Variants in OSBPL1A observed in about 807,000 individuals in gnomAD.
OSBPL1A encodes the protein oxysterol binding protein like 1A, also known as oxysterol-binding protein-related protein 1.
Under a neutral mutation model 137.1 loss-of-function variants are expected in OSBPL1A, and 80 were observed. That is an observed-to-expected ratio of 0.58 (90% CI 0.49 to 0.70). The LOEUF (loss-of-function observed/expected upper bound fraction) is 0.70, where lower values mean the gene tolerates loss of function less well. Ranked by LOEUF, OSBPL1A falls within the 30% of genes least tolerant of loss-of-function variation. The pLI is 0.00. For missense variants in OSBPL1A, 970 were observed against 1,129.4 expected, an observed-to-expected ratio of 0.86 and a Z score of 2.02; for synonymous variants, 365 against 389.7, an observed-to-expected ratio of 0.94 and a Z score of 0.75.
chr18:24,328,103 G>A (rs920676802), intron 7 of OSBPL1A, among the ~76,000 whole-genome samples: 3 of 140,576 alleles, frequency 2.1e-5, no homozygotes, highest in South Asian at 2.2e-4. Context: ...GTGTAGTGGC[G>A]CAATCTTGGC....
intron 16 of OSBPL1A, among the ~76,000 whole-genome samples, chr18:24,233,082 T>C (rs2088332331): frequency 6.6e-6 from 1 of 152,184 alleles, no homozygotes; most frequent in Non-Finnish European, 1.5e-5. Context: ...GTAAGAAAAG[T>C]AATGCGTTCT....
chr18:24,218,935 T>G (rs1394957650), intron 17 of OSBPL1A, among the ~76,000 whole-genome samples: 1 of 152,114 alleles, frequency 6.6e-6, no homozygotes, highest in Non-Finnish European at 1.5e-5. Context: ...TATACAATTT[T>G]TGTTAGTTAA....
chr18:24,313,958 A>G (rs1406400426), intron 12 of OSBPL1A, among the ~76,000 whole-genome samples: 1 of 150,798 alleles, frequency 6.6e-6, no homozygotes, highest in African/African-American at 2.4e-5. Context: ...AAAAAAAATT[A>G]GCCAGGCGTA....
At chr18:24,343,698 G>A (rs1348263337) in intron 4 of OSBPL1A, among the ~76,000 whole-genome samples, 2 of 152,102 alleles carry the variant, frequency 1.3e-5, no homozygotes, top group Non-Finnish European at 2.9e-5. Flanking sequence ...TGACATAAGT[G>A]CCAAGACAGT....
intron 4 of OSBPL1A, among the ~76,000 whole-genome samples, chr18:24,355,839 G>A (rs12969835): frequency 0.15 from 22,138 of 151,924 alleles, 2,123 homozygotes; most frequent in Non-Finnish European, 0.21. Flanking sequence ...ACAAATCTTA[G>A]CCAGGCATGG....
intron 18 of OSBPL1A, among the ~76,000 whole-genome samples, chr18:24,194,382 GA>G (rs1347911143): frequency 2.0e-5 from 3 of 152,126 alleles, no homozygotes; most frequent in Non-Finnish European, 4.4e-5. Context: ...ATTCTTTTGT[GA>G]AACTGATTTT....
At chr18:24,374,991 G>C (rs1318915966) in intron 2 of OSBPL1A, among the ~76,000 whole-genome samples, 3 of 152,052 alleles carry the variant, frequency 2.0e-5, no homozygotes, top group Non-Finnish European at 4.4e-5. Flanking sequence ...CACAGGGGAA[G>C]GGAGATCAAG....
chr18:24,235,902 G>A (rs1047760661), intron 16 of OSBPL1A, among the ~76,000 whole-genome samples: 3 of 152,140 alleles, frequency 2.0e-5, no homozygotes, highest in Non-Finnish European at 4.4e-5. Flanking sequence ...CATCTGAGTA[G>A]GTCCAACGTA....
At chr18:24,331,483 G>A (rs1009968635) in intron 7 of OSBPL1A, among the ~76,000 whole-genome samples, 21 of 147,206 alleles carry the variant, frequency 1.4e-4, no homozygotes, top group African/African-American at 5.4e-4. Context: ...TGCAAGCTCC[G>A]CCTCCCGGGT....
chr18:24,313,081 AC>A (rs1396838210), intron 12 of OSBPL1A, among the ~76,000 whole-genome samples: 3 of 151,578 alleles, frequency 2.0e-5, no homozygotes, highest in Non-Finnish European at 4.4e-5. Flanking sequence ...CCAAGATCAC[AC>A]CAGTGCACTC....
At chr18:24,337,671 G>A (rs2091199005) in intron 5 of OSBPL1A, among the ~76,000 whole-genome samples, 2 of 151,710 alleles carry the variant, frequency 1.3e-5, no homozygotes, top group African/African-American at 2.4e-5. Context: ...TGCAATGTGG[G>A]ATTCTGGATT....
At chr18:24,336,099 T>C (rs1008438303) in intron 5 of OSBPL1A, among the ~76,000 whole-genome samples, 1 of 152,212 alleles carries the variant, frequency 6.6e-6, no homozygotes, top group African/African-American at 2.4e-5. Flanking sequence ...ACTGCATGTA[T>C]CACCCTGACC....
intron 14 of OSBPL1A, among the ~76,000 whole-genome samples, chr18:24,289,490 T>G (rs2090137307): frequency 6.7e-6 from 1 of 149,998 alleles, no homozygotes; most frequent in Admixed American, 6.7e-5. Context: ...GGCATGATCT[T>G]GGCTCACTGT....
chr18:24,285,686 A>T (rs2090055741), intron 14 of OSBPL1A, among the ~76,000 whole-genome samples: 2 of 152,204 alleles, frequency 1.3e-5, no homozygotes, highest in Admixed American at 1.3e-4. Context: ...CACAAACAGG[A>T]GAGAGACTAA....
chr18:24,382,618 G>A (rs557650832), intron 1 of OSBPL1A, among the ~76,000 whole-genome samples: 59 of 151,546 alleles, frequency 3.9e-4, no homozygotes, highest in South Asian at 2.9e-3. Context: ...GAAGCTGGGG[G>A]CAACGGCTCA....
chr18:24,266,940 TAATTGTAAAA>T (rs2089592092), intron 15 of OSBPL1A, among the ~76,000 whole-genome samples: 1 of 151,974 alleles, frequency 6.6e-6, no homozygotes. Context: ...CTGATACAGA[TAATTGTAAAA>T]TTTAATTTTA....
At chr18:24,394,829 AC>A (rs1473121958) in intron 1 of OSBPL1A, among the ~76,000 whole-genome samples, 2 of 132,126 alleles carry the variant, frequency 1.5e-5, no homozygotes, top group East Asian at 4.7e-4. Context: ...GACTGCTTTC[AC>A]TATACAGTAA....
chr18:24,318,667 G>GA (rs1444330540), intron 8 of OSBPL1A, 22 bp from the exon 9 acceptor site: 4 of 1,607,712 alleles, frequency 2.5e-6, no homozygotes, highest in Non-Finnish European at 3.4e-6. Context: ...ATGTTTTCAT[G>GA]AAAAATGCAT....
intron 4 of OSBPL1A, among the ~76,000 whole-genome samples, chr18:24,365,711 G>A (rs893091735): frequency 4.6e-5 from 7 of 152,038 alleles, no homozygotes; most frequent in Non-Finnish European, 8.8e-5. Flanking sequence ...AAACTTCTGG[G>A]GTGACAGAAA....
Sources: allele counts gnomAD v4.1 joint callset (sites outside exome capture counted in the v4.1 genomes callset), GRCh38; gene constraint gnomAD v4.1.1; transcripts MANE v1.5; gene names NCBI Gene and HGNC (gene_info 2026-07-23, HGNC 2026-07-21).